Variants in C1orf159 observed in about 807,000 individuals in gnomAD.
C1orf159 encodes uncharacterized protein C1orf159.
In C1orf159, 19 loss-of-function variants were observed where a neutral mutation model predicts 25.6. The ratio of observed to expected loss-of-function variants is 0.74; its 90% CI spans 0.52 to 1.09. C1orf159 has a LOEUF of 1.09. Ranked by LOEUF, C1orf159 falls within the 50% of genes least tolerant of loss-of-function variation. The pLI, the probability that C1orf159 is intolerant of heterozygous loss-of-function variation, is 0.00. For missense variants in C1orf159, 274 were observed against 290.6 expected (o/e 0.94, Z 0.42); for synonymous variants, 139 against 124.7 (o/e 1.12, Z -0.77).
chr1:1,084,050 T>C (rs749142070), intron 9 of C1orf159: 1 of 1,608,962 alleles, frequency 6.2e-7, no homozygotes, highest in Non-Finnish European at 8.5e-7. Context: ...GGGTCTGCCC[T>C]GTCGTGGTGG....
Position 1,082,833 on chromosome 1 carries a change from C to T in C1orf159, c.*60G>A. 1 of 1,451,864 alleles carries T rather than the reference C, an allele frequency of 6.9e-7. No homozygotes were observed. The highest frequency in any genetic ancestry group is 9.5e-7 in the Non-Finnish European group (1 of 1,057,100). The allele number at this position is 1,451,864 out of a possible 1,614,324, so 89.9% of individuals were successfully genotyped here. A position where few individuals can be genotyped will look rare whatever the true frequency, so the allele number is the denominator to read the frequency against. On this transcript the variant is annotated 3_prime_UTR_variant, in exon 10 of 10. Transcript: ENST00000421241. Reference sequence around the variant, plus strand: ...TGCCAACACTTTGTGCTGGTTCCCGCCAAGGGGTCGGCCTCCGGGTCCCTG... The same window carrying T: ...TGCCAACACTTTGTGCTGGTTCCCGTCAAGGGGTCGGCCTCCGGGTCCCTG...
intron 1 of C1orf159, among the ~76,000 whole-genome samples, chr1:1,096,718 G>T (rs1468097621): frequency 6.6e-6 from 1 of 152,120 alleles, no homozygotes; most frequent in Non-Finnish European, 1.5e-5. Flanking sequence ...GCCTAAAATT[G>T]TTCATCATAG....
Position 1,087,723 on chromosome 1 carries a change from G to A in C1orf159, c.149-126C>T, listed in dbSNP as rs972267373. 1.1e-5 allele frequency: 8 copies of A among 753,706 alleles called. No homozygotes were observed. The highest frequency in any genetic ancestry group is 5.3e-5 in the South Asian group (3 of 56,440). The allele number at this position is 753,706 out of a possible 1,614,324, so 46.7% of individuals were successfully genotyped here. A position where few individuals can be genotyped will look rare whatever the true frequency, so the allele number is the denominator to read the frequency against. On this transcript the variant is annotated intron_variant, in intron 4 of 9. Transcript: ENST00000421241. The surrounding 1 kb of genome is among the most constrained non-coding windows in gnomAD (Gnocchi z 8.3). ...TTCCAGATACTAACATGCTCTGGAG[G>A]GTAGGTGGGCGGCAGACAAGGACAC...
At chr1:1,113,913 CTTTTTTT>C (rs763307791) in intron 1 of C1orf159, among the ~76,000 whole-genome samples, 5 of 121,000 alleles carry the variant, frequency 4.1e-5, no homozygotes, top group African/African-American at 6.3e-5. Context: ...CCCTCGAGGC[CTTTTTTT>C]TTTTTTTTTT....
At position 1,082,278 on chromosome 1, in the gene C1orf159, G is replaced by A. The variant is rs1297414999; in HGVS notation, c.*615C>T. On this transcript the variant is annotated 3_prime_UTR_variant, in exon 10 of 10. Transcript: ENST00000421241. ...TCTGCTTAAAAACAGAGATCAAGAGGAAGCTCTATCCTGCAGCTCCGGAAA... is the reference window on the plus strand; with the variant it reads ...TCTGCTTAAAAACAGAGATCAAGAGAAAGCTCTATCCTGCAGCTCCGGAAA... 6.5e-6 allele frequency: 1 copy of A among 154,414 alleles called. No individual in the cohort carries two copies. Among genetic ancestry groups the A allele is most frequent in the Admixed American group, 6.4e-5 (1 of 15,702 alleles). The allele number at this position is 154,414 out of a possible 1,614,324, so 9.6% of individuals were successfully genotyped here. A position where few individuals can be genotyped will look rare whatever the true frequency, so the allele number is the denominator to read the frequency against.
Position 1,089,638 on chromosome 1 carries a change from G to A in C1orf159, c.148+715C>T, listed in dbSNP as rs1050965347. Among the ~76,000 whole-genome samples the A allele has an allele frequency of 1.2e-4, 18 of 152,228 alleles. No individual in the cohort carries two copies. Among genetic ancestry groups the A allele is most frequent in the African/African-American group, 4.3e-4 (18 of 41,550 alleles). On this transcript the variant is annotated intron_variant, in intron 4 of 9. Transcript: ENST00000421241. The surrounding 1 kb of genome is among the most constrained non-coding windows in gnomAD (Gnocchi z 7.5). ...TGAGTCCCCAGGAGCAGCCCTTCTG[G>A]GTTCTTCCATCATGGGAGGGCTGGA...
chr1:1,110,248 T>G lies in C1orf159; in HGVS notation c.-136+5812A>C, dbSNP rs1019340332. ...ACCAGGTGTGTCCAACCTCCCATCC[T>G]TTTATGGCCGGAAACTCAATTTTTA... On this transcript the variant is annotated intron_variant, in intron 1 of 9. Transcript: ENST00000421241. The surrounding 1 kb of genome is among the most constrained non-coding windows in gnomAD (Gnocchi z 4.8). Among the ~76,000 whole-genome samples, 1 of 152,184 alleles carries G rather than the reference T, an allele frequency of 6.6e-6. No homozygotes were observed. The highest frequency in any genetic ancestry group is 6.5e-5 in the Admixed American group (1 of 15,290).
Position 1,087,380 on chromosome 1 carries a change from C to T in C1orf159, c.244+122G>A, listed in dbSNP as rs1029387250. ...AGCAGACTCGGGAAGAGGGGGCTCCCGGGGCTGTTCCCCAGTGGACAGTGG... is the reference window on the plus strand; with the variant it reads ...AGCAGACTCGGGAAGAGGGGGCTCCTGGGGCTGTTCCCCAGTGGACAGTGG... On this transcript the variant is annotated intron_variant, in intron 5 of 9. Coordinates refer to ENST00000421241, the MANE Select transcript of C1orf159 (RefSeq NM_017891.5). This position sits in a 1 kb window ranked among gnomAD's most constrained non-coding sequence, Gnocchi z 8.3. The T allele has an allele frequency of 1.3e-5, 15 of 1,189,484 alleles. No homozygotes were observed. Among genetic ancestry groups the T allele is most frequent in the East Asian group, 5.2e-5 (2 of 38,832 alleles). The allele number at this position is 1,189,484 out of a possible 1,614,324, so 73.7% of individuals were successfully genotyped here. A position where few individuals can be genotyped will look rare whatever the true frequency, so the allele number is the denominator to read the frequency against.
intron 1 of C1orf159, among the ~76,000 whole-genome samples, chr1:1,109,217 C>T (rs1019006369): frequency 7.9e-5 from 12 of 152,212 alleles, no homozygotes; most frequent in Non-Finnish European, 1.3e-4. Flanking sequence ...AAATTTTGGA[C>T]GCATGCTACA....
chr1:1,095,436 T>C (rs1419544887), intron 1 of C1orf159, among the ~76,000 whole-genome samples: 2 of 152,248 alleles, frequency 1.3e-5, no homozygotes, highest in African/African-American at 4.8e-5. Flanking sequence ...TTTTTGTTAT[T>C]ACAAATAGAA....
At chr1:1,104,727 C>T (rs1314573406) in intron 1 of C1orf159, among the ~76,000 whole-genome samples, 2 of 151,842 alleles carry the variant, frequency 1.3e-5, no homozygotes, top group East Asian at 3.9e-4. Flanking sequence ...CCCAGGAGTT[C>T]GAAGCCGAAG....
chr1:1,083,752 A>AGAAC, intron 9 of C1orf159: 1 of 662,862 alleles, frequency 1.5e-6, no homozygotes, highest in Non-Finnish European at 2.6e-6. Flanking sequence ...GCCTTGATGG[A>AGAAC]GAACGGTCTG....
intron 1 of C1orf159, chr1:1,106,223 C>A (rs1456874663): frequency 1.1e-4 from 17 of 152,126 alleles, no homozygotes; most frequent in Admixed American, 1.1e-3. Flanking sequence ...CACTCTAACA[C>A]CTACATTAAA....
chr1:1,101,497 T>A (rs11578998), intron 1 of C1orf159, among the ~76,000 whole-genome samples: 27,825 of 151,918 alleles, frequency 0.18, 3,256 homozygotes, highest in African/African-American at 0.33. Flanking sequence ...AATTTTTTTT[T>A]AAATCTCACA....
At chr1:1,114,738 T>C (rs1351333012) in intron 1 of C1orf159, among the ~76,000 whole-genome samples, 1 of 152,124 alleles carries the variant, frequency 6.6e-6, no homozygotes, top group African/African-American at 2.4e-5. Context: ...GGCGCATCAC[T>C]GAACATCCCA....
chr1:1,082,710 G>C lies in C1orf159; in HGVS notation c.*183C>G. On this transcript the variant is annotated 3_prime_UTR_variant, in exon 10 of 10. Transcript: ENST00000421241. ...TAAACGAGATGGCTGTGGTGGGGAG[G>C]AGCCTCAGGCGGCCCGGGACCCTTT... The C allele has an allele frequency of 1.7e-6, 1 of 604,970 alleles. No homozygotes were observed. The highest frequency in any genetic ancestry group is 3.0e-6 in the Non-Finnish European group (1 of 336,630). 37.5% of individuals were successfully genotyped at this position (604,970 alleles called of 1,614,324 possible). A position where few individuals can be genotyped will look rare whatever the true frequency, so the allele number is the denominator to read the frequency against.
chr1:1,089,685 G>C lies in C1orf159; in HGVS notation c.148+668C>G, dbSNP rs1442344049. On this transcript the variant is annotated intron_variant, in intron 4 of 9. Transcript: ENST00000421241. The surrounding 1 kb of genome is among the most constrained non-coding windows in gnomAD (Gnocchi z 7.5). The stretch of plus-strand genomic sequence containing the variant: ...TGGACCCCCAGGATGGGAGTGCCAA[G>C]GCCCTTGGAGGTACAGCTGGGGCAT... Among the ~76,000 whole-genome samples, 1 of 152,142 alleles carries C rather than the reference G, an allele frequency of 6.6e-6. No individual in the cohort carries two copies. The highest frequency in any genetic ancestry group is 6.5e-5 in the Admixed American group (1 of 15,282).
intron 4 of C1orf159, among the ~76,000 whole-genome samples, chr1:1,088,202 C>T (rs1239768941): frequency 1.2e-5 from 1 of 86,598 alleles, no homozygotes; most frequent in African/African-American, 4.4e-5. Context: ...CCCCCAGGAC[C>T]CCCCCCCCAT....
chr1:1,091,019 A>G, intron 3 of C1orf159: 1 of 1,493,286 alleles, frequency 6.7e-7, no homozygotes, highest in Admixed American at 2.0e-5. Context: ...TCCAGGGGTG[A>G]CTGCGGAGTG....
Sources: allele counts gnomAD v4.1 joint callset (sites outside exome capture counted in the v4.1 genomes callset), GRCh38; gene constraint gnomAD v4.1.1; non-coding constraint Gnocchi (gnomAD v3.1); transcripts MANE v1.5; gene names NCBI Gene and HGNC (gene_info 2026-07-23, HGNC 2026-07-21).